The following FGG variants were observed in gnomAD, a reference collection of about 807,000 sequenced individuals.
The protein encoded by FGG is fibrinogen, gamma polypeptide.
Under a neutral mutation model 51.7 loss-of-function variants are expected in FGG, and 20 were observed. The ratio of observed to expected loss-of-function variants is 0.39; its 90% confidence interval spans 0.27 to 0.56. The LOEUF is 0.56. Ranked by LOEUF, FGG falls within the 20% of genes least tolerant of loss-of-function variation. The probability of loss-of-function intolerance (pLI) is 0.64; values close to 1 mark genes in which losing one functional copy is unlikely to be tolerated. For synonymous variants in FGG, 184 were observed against 184.7 expected (o/e 1.00, Z 0.03); for missense variants, 460 against 534.2 (o/e 0.86, Z 1.37).
chr4:154,610,089 T>C lies in FGG; in HGVS notation c.510A>G (p.Gln170=), dbSNP rs147871795. 6.2e-7 allele frequency: 1 copy of C among 1,613,854 alleles called. No homozygotes were observed. The highest frequency in any genetic ancestry group is 8.5e-7 in the Non-Finnish European group (1 of 1,179,814). ...TACCTTTCCCAGTGATATCATGGAT[T>C]TGCACCGTGTCTTTGCAAGGTTCCT... The part of the protein sequence containing the change: ...QCQEPCKDTV[Q]IHDITGKDCQ... Residue 170 remains glutamine (Q), a synonymous_variant, in exon 5 of 9, where the codon CAA becomes CAG. Transcript: ENST00000336098.
chr4:154,604,543 G>T lies in FGG; in HGVS notation c.*291C>A, dbSNP rs2066864. 9 of 1,123,714 alleles carry T rather than the reference G, an allele frequency of 8.0e-6. No homozygotes were observed. In the South Asian group the frequency reaches 1.9e-4, roughly 24 times the overall value. The allele number at this position is 1,123,714 out of a possible 1,614,324, so 69.6% of individuals were successfully genotyped here. A position where few individuals can be genotyped will look rare whatever the true frequency, so the allele number is the denominator to read the frequency against. On this transcript the variant is annotated 3_prime_UTR_variant, in exon 9 of 9. Transcript: ENST00000336098. ...ATTTGATATAATGAAAATAATTTAC[G>T]AAGACAAAATAAATGACAAGTGGTC...
chr4:154,606,812 C>T lies in FGG; in HGVS notation c.1022G>A (p.Trp341Ter), dbSNP rs1553965519. 1.9e-6 allele frequency: 3 copies of T among 1,613,966 alleles called. No homozygotes were observed. Among genetic ancestry groups the T allele is most frequent in the Non-Finnish European group, 1.7e-6 (2 of 1,179,908 alleles). Residue 341 changes from tryptophan to a stop codon, truncating the protein, a stop_gained, in exon 8 of 9, where the codon TGG (tryptophan) becomes TAG (stop). Coordinates refer to ENST00000336098, the MANE Select transcript of FGG (RefSeq NM_021870.3). LOFTEE classifies it high-confidence loss of function. ...TTCAAACTTATCATTGTCATTGTCC[C>T]AGGTACTGAACTGCATGCCATTATG... ...TSHNGMQFST[W>*]DNDNDKFEGN...
chr4:154,606,077 A>G (rs1425818414), intron 8 of FGG, among the ~76,000 whole-genome samples: 2 of 152,124 alleles, frequency 1.3e-5, no homozygotes, highest in African/African-American at 4.8e-5. Context: ...CCATTATTGT[A>G]ACATGGATCC....
rs778213856 is a variant in FGG, at chr4:154,612,072, G to T, written c.253C>A (p.Gln85Lys). 1 of 1,612,926 alleles carries T rather than the reference G, an allele frequency of 6.2e-7. No individual in the cohort carries two copies. Among genetic ancestry groups the T allele is most frequent in the East Asian group, 2.2e-5 (1 of 44,790 alleles). The change falls in exon 3 of 9, where the codon CAG (glutamine) becomes AAG (lysine). Residue 85 changes from glutamine (Q) to lysine (K), a missense_variant. By Grantham distance (53) the Gln-to-Lys change is moderately conservative (BLOSUM62 1). Around this residue, in one of 3 missense-constraint regions of FGG, gnomAD observed 353 missense variants for 391.7 expected, o/e 0.90. Coordinates refer to ENST00000336098, the MANE Select transcript of FGG (RefSeq NM_021870.3). ...GTGAGTTGGATTGCTTTTATCAGCTGTTTGACTTCTGATGTTTTGTTTTCA... is the reference window on the plus strand; with the variant it reads ...GTGAGTTGGATTGCTTTTATCAGCTTTTTGACTTCTGATGTTTTGTTTTCA... The part of the protein sequence containing the change: ...QVENKTSEVK[Q>K]LIKAIQLTYN...
chr4:154,610,135 G>T lies in FGG; in HGVS notation c.464C>A (p.Ala155Asp), dbSNP rs761149777. ...TTCCTGGCACTGTGCTTCAAGCTGG[G>T]CTACCTTCTCTTTCAGGTTAACAAT... ...QKIVNLKEKV[A>D]QLEAQCQEPC... The change falls in exon 5 of 9, where the codon GCC becomes GAC. Residue 155 changes from alanine (A) to aspartate (D), a missense_variant. Physicochemically the swap from Ala to Asp is moderately radical, Grantham distance 126 (BLOSUM62 -2). This residue lies in a region of FGG where 353 missense variants were observed against 391.7 expected (regional missense o/e 0.90). Coordinates refer to ENST00000336098, the MANE Select transcript of FGG (RefSeq NM_021870.3). 1.2e-6 allele frequency: 2 copies of T among 1,611,644 alleles called. No homozygotes were observed. The highest frequency in any genetic ancestry group is 1.7e-5 in the Admixed American group (1 of 59,944).
chr4:154,604,312 A>G lies in FGG; in HGVS notation c.*522T>C. 6.6e-7 allele frequency: 1 copy of G among 1,508,446 alleles called. No homozygotes were observed. Among genetic ancestry groups the G allele is most frequent in the South Asian group, 1.3e-5 (1 of 75,346 alleles). 93.4% of individuals were successfully genotyped at this position (1,508,446 alleles called of 1,614,324 possible). A position where few individuals can be genotyped will look rare whatever the true frequency, so the allele number is the denominator to read the frequency against. ...TCTCTGTTCAGATAAAGTCCTTTAA[A>G]AAAGTAAATCTCTTTTGAAACGGTC... is the stretch of plus-strand genomic sequence containing the variant. On this transcript the variant is annotated 3_prime_UTR_variant, in exon 9 of 9. Transcript: ENST00000336098.
Position 154,609,663 on chromosome 4 carries a change from A to G in FGG, c.633T>C (p.Asp211=), listed in dbSNP as rs748194040. The G allele has an allele frequency of 1.2e-6, 2 of 1,613,982 alleles. No homozygotes were observed. Among genetic ancestry groups the G allele is most frequent in the South Asian group, 1.1e-5 (1 of 91,084 alleles). Residue 211 remains aspartate, a synonymous_variant, in exon 6 of 9, where the codon GAT becomes GAC. Transcript: ENST00000336098. The part of the protein sequence containing the change: ...NQQFLVYCEI[D]GSGNGWTVFQ... ...ACACAGTCCATCCATTTCCAGACCC[A>G]TCGATTTCACAGTAGACTAAGAATT...
rs1578813039 is a variant in FGG at position 154,612,385 on chromosome 4, A to G, written c.123+6T>C. The stretch of plus-strand genomic sequence containing the variant: ...ACACAAAGGGAGAAACATAAAAACT[A>G]CTTACGAATCTTTCATCTAAGATGC... On this transcript the variant is annotated splice_donor_region_variant and intron_variant, in intron 2 of 8. Coordinates refer to ENST00000336098, the MANE Select transcript of FGG (RefSeq NM_021870.3). 1.2e-6 allele frequency: 2 copies of G among 1,612,918 alleles called. No individual in the cohort carries two copies. The highest frequency in any genetic ancestry group is 1.7e-6 in the Non-Finnish European group (2 of 1,179,816).
intron 8 of FGG, among the ~76,000 whole-genome samples, chr4:154,606,116 T>TA (rs1485957279): frequency 1.3e-5 from 2 of 152,200 alleles, no homozygotes; most frequent in Non-Finnish European, 2.9e-5. Context: ...TCCCCACACA[T>TA]AACTGCTGGG....
In FGG at chr4:154,606,905, C is replaced by G; in HGVS notation, c.929G>C (p.Gly310Ala). ...YRLTYAYFAG[G>A]DAGDAFDGFD... ...GCCATCAAAGGCATCTCCAGCATCC[C>G]CACCAGCGAAGTAGGCATATGTTAG... Residue 310 changes from glycine to alanine, a missense_variant, in exon 8 of 9, where the codon GGG (glycine) becomes GCG (alanine). Transcript: ENST00000336098. The G allele has an allele frequency of 6.2e-7, 1 of 1,613,874 alleles. No individual in the cohort carries two copies. Among genetic ancestry groups the G allele is most frequent in the Non-Finnish European group, 8.5e-7 (1 of 1,179,846 alleles).
At chr4:154,606,613 A>G (rs1336034704) in intron 8 of FGG, 92 bp downstream of exon 8, 1 of 1,355,480 alleles carries the variant, frequency 7.4e-7, no homozygotes, top group African/African-American at 1.5e-5. Context: ...ATCTTTATAA[A>G]TTATTCTTCA....
Position 154,612,639 on chromosome 4 carries a change from TG to T in FGG, c.-31del. On this transcript the variant is annotated 5_prime_UTR_variant, in exon 1 of 9. Transcript: ENST00000336098. The stretch of plus-strand genomic sequence containing the variant: ...TCTGAGTGCCCGGAGCTCCGAGCCT[TG>T]TAGTGTCAGCACTGTCACCTCTCAG... 6.2e-7 allele frequency: 1 copy of T among 1,604,550 alleles called. No individual in the cohort carries two copies. The highest frequency in any genetic ancestry group is 8.5e-7 in the Non-Finnish European group (1 of 1,171,616).
chr4:154,604,797 A>T lies in FGG; in HGVS notation c.*37T>A, dbSNP rs1406403684. On this transcript the variant is annotated 3_prime_UTR_variant, in exon 9 of 9. Coordinates refer to ENST00000336098, the MANE Select transcript of FGG (RefSeq NM_021870.3). ...GGAAGAAACTTTCAGAGAATTTCTG[A>T]AACTTTGTGGGTCAATAGAAGTTAG... 6.2e-7 allele frequency: 1 copy of T among 1,612,632 alleles called. No homozygotes were observed. Among genetic ancestry groups the T allele is most frequent in the African/African-American group, 1.3e-5 (1 of 74,996 alleles).
chr4:154,611,654 C>T (rs1364438371), intron 4 of FGG, 151 bp downstream of exon 4: 1 of 594,144 alleles, frequency 1.7e-6, no homozygotes. Context: ...CTAAAAACTT[C>T]TATCTCTACT....
At chr4:154,607,888 T>C (rs1304474008) in intron 7 of FGG, among the ~76,000 whole-genome samples, 2 of 152,164 alleles carry the variant, frequency 1.3e-5, no homozygotes, top group African/African-American at 4.8e-5. Context: ...CCTTCAAATA[T>C]CTCAAGCAAA....
intron 4 of FGG, 159 bp downstream of exon 4, chr4:154,611,646 A>G (rs1731213516): frequency 3.4e-6 from 2 of 584,312 alleles, no homozygotes; most frequent in East Asian, 5.6e-5. Context: ...ATATTGCACT[A>G]AAAACTTCTA....
intron 6 of FGG, among the ~76,000 whole-genome samples, chr4:154,608,911 A>G (rs980411310): frequency 5.9e-5 from 9 of 152,184 alleles, no homozygotes; most frequent in Admixed American, 5.9e-4. Context: ...ATTCTAAATG[A>G]GTGGTAATAT....
Position 154,612,084 on chromosome 4 carries a change from A to G in FGG, c.241T>C (p.Ser81Pro). Residue 81 changes from serine to proline, a missense_variant, in exon 3 of 9, where the codon TCA becomes CCA. By Grantham distance (74) the Ser-to-Pro change is moderately conservative. This residue lies in a region of FGG where 353 missense variants were observed against 391.7 expected (regional missense o/e 0.90). Coordinates refer to ENST00000336098, the MANE Select transcript of FGG (RefSeq NM_021870.3). ...DILHQVENKT[S>P]EVKQLIKAIQ... ...GCTTTTATCAGCTGTTTGACTTCTG[A>G]TGTTTTGTTTTCAACTTGATGTAAG... 1 of 1,612,868 alleles carries G rather than the reference A, an allele frequency of 6.2e-7. No individual in the cohort carries two copies. Among genetic ancestry groups the G allele is most frequent in the Non-Finnish European group, 8.5e-7 (1 of 1,179,714 alleles).
In FGG at chr4:154,604,790, A is replaced by T. The variant is rs1367104807; in HGVS notation, c.*44T>A. On this transcript the variant is annotated 3_prime_UTR_variant, in exon 9 of 9. Coordinates refer to ENST00000336098, the MANE Select transcript of FGG (RefSeq NM_021870.3). Reference sequence around the variant, plus strand: ...GAAAAAAGGAAGAAACTTTCAGAGAATTTCTGAAACTTTGTGGGTCAATAG... The same window carrying T: ...GAAAAAAGGAAGAAACTTTCAGAGATTTTCTGAAACTTTGTGGGTCAATAG... 1 of 1,611,624 alleles carries T rather than the reference A, an allele frequency of 6.2e-7. No homozygotes were observed. Among genetic ancestry groups the T allele is most frequent in the Non-Finnish European group, 8.5e-7 (1 of 1,179,350 alleles).
Sources: gnomAD v4.1 joint callset for allele counts (sites outside exome capture counted in the v4.1 genomes callset) on GRCh38, gnomAD v4.1.1 for gene constraint, gnomAD v4.1.1 regional missense constraint, MANE v1.5 for transcripts, NCBI Gene and HGNC (gene_info 2026-07-23, HGNC 2026-07-21) for gene names.